The following CDH4 variants were observed in gnomAD, a reference collection of about 807,000 sequenced individuals.
CDH4 encodes cadherin 4, also known as cadherin-4.
CDH4 carries 33 observed loss-of-function variants against 86.0 expected under a neutral mutation model. That is an observed-to-expected ratio of 0.38 (90% confidence interval 0.29 to 0.51). The LOEUF (loss-of-function observed/expected upper bound fraction) is 0.51. Among genes scored for constraint, CDH4 ranks in the 20% least tolerant of loss-of-function variants. The pLI, the probability that CDH4 is intolerant of heterozygous loss-of-function variation, is 0.86. For synonymous variants in CDH4, 555 were observed against 549.4 expected, an observed-to-expected ratio of 1.01 and a Z score of -0.14; for missense variants, 1,114 against 1,307.4, an observed-to-expected ratio of 0.85 and a Z score of 2.28.
chr20:61,524,965 A>C (rs1266352677), intron 2 of CDH4, among the ~76,000 whole-genome samples: 6 of 152,174 alleles, frequency 3.9e-5, no homozygotes, highest in Non-Finnish European at 8.8e-5. Flanking sequence ...ATTTAAAAAA[A>C]CCTTCTTTCC....
intron 2 of CDH4, among the ~76,000 whole-genome samples, chr20:61,326,989 T>C (rs1444711885): frequency 6.6e-6 from 1 of 152,156 alleles, no homozygotes; most frequent in African/African-American, 2.4e-5. Context: ...TTTTACTGGC[T>C]AGAAGTTTCA....
At chr20:61,465,363 AT>A (rs112215809) in intron 2 of CDH4, among the ~76,000 whole-genome samples, 143 of 147,344 alleles carry the variant, frequency 9.7e-4, no homozygotes, top group Middle Eastern at 7.1e-3. Context: ...TGAACCTGGG[AT>A]TTTTTTTTTT....
intron 2 of CDH4, among the ~76,000 whole-genome samples, chr20:61,538,827 G>A (rs1181446533): frequency 2.0e-5 from 3 of 152,210 alleles, no homozygotes; most frequent in African/African-American, 4.8e-5. Flanking sequence ...GCTCCCTGCT[G>A]CAGGCCAGGC....
At chr20:61,826,738 G>A (rs548443737) in intron 4 of CDH4, among the ~76,000 whole-genome samples, 2 of 152,270 alleles carry the variant, frequency 1.3e-5, no homozygotes, top group African/African-American at 2.4e-5. Flanking sequence ...TTCGAGACCC[G>A]TTGATGGCCT....
intron 2 of CDH4, among the ~76,000 whole-genome samples, chr20:61,331,638 C>CCTCCTGCCCCGGCCACCTGCCCTAGAG (rs1568801140): frequency 6.5e-4 from 15 of 23,190 alleles, no homozygotes; most frequent in South Asian, 1.3e-3. Context: ...CTGCCCCAGA[C>CCTCCTGCCCCGGCCACCTGCCCTAGAG]CCACCTCCCG....
chr20:61,523,628 G>A (rs992879682), intron 2 of CDH4, among the ~76,000 whole-genome samples: 5 of 152,192 alleles, frequency 3.3e-5, no homozygotes, highest in Non-Finnish European at 5.9e-5. Flanking sequence ...AAACAGGCCC[G>A]GGGCTTTCTC....
chr20:61,765,156 G>A (rs973367693), intron 3 of CDH4, among the ~76,000 whole-genome samples: 1 of 152,220 alleles, frequency 6.6e-6, no homozygotes, highest in East Asian at 1.9e-4. Context: ...GGGCAGGTAG[G>A]CTCTGACCTT....
intron 8 of CDH4, among the ~76,000 whole-genome samples, chr20:61,896,204 A>G (rs1568873200): frequency 6.6e-6 from 1 of 152,190 alleles, no homozygotes; most frequent in Non-Finnish European, 1.5e-5. Flanking sequence ...CTCTGATCCC[A>G]GCCAACCCCG....
chr20:61,542,519 C>T (rs1297007259), intron 2 of CDH4, among the ~76,000 whole-genome samples: 1 of 152,164 alleles, frequency 6.6e-6, no homozygotes, highest in Non-Finnish European at 1.5e-5. Flanking sequence ...AGTTATGAGG[C>T]TTTGAAATCC....
At chr20:61,603,985 G>GCA (rs1298334032) in intron 2 of CDH4, among the ~76,000 whole-genome samples, 1 of 152,006 alleles carries the variant, frequency 6.6e-6, no homozygotes, top group Non-Finnish European at 1.5e-5. Context: ...ATACGCTGAT[G>GCA]CACACACACA....
At chr20:61,675,943 G>A (rs2087440345) in intron 2 of CDH4, among the ~76,000 whole-genome samples, 1 of 152,196 alleles carries the variant, frequency 6.6e-6, no homozygotes, top group East Asian at 1.9e-4. Context: ...GCTCTACCTG[G>A]AGGCCCACTG....
chr20:61,257,639 G>C (rs757242677), intron 2 of CDH4, among the ~76,000 whole-genome samples: 1 of 152,244 alleles, frequency 6.6e-6, no homozygotes, highest in African/African-American at 2.4e-5. Context: ...ATGCATGGCC[G>C]TATCTAAAAT....
intron 6 of CDH4, among the ~76,000 whole-genome samples, chr20:61,863,901 A>T (rs1323827745): frequency 6.6e-6 from 1 of 152,186 alleles, no homozygotes; most frequent in Non-Finnish European, 1.5e-5. Flanking sequence ...CCTTACCAGC[A>T]TGGGTTTCCA....
At chr20:61,934,473 C>A (rs888975967) in intron 15 of CDH4, among the ~76,000 whole-genome samples, 1 of 152,092 alleles carries the variant, frequency 6.6e-6, no homozygotes, top group Non-Finnish European at 1.5e-5. Flanking sequence ...CACACAGGGC[C>A]GGGTGCACAG....
chr20:61,928,369 C>T lies in CDH4; in HGVS notation c.1951C>T (p.Leu651=). Residue 651 remains leucine (L), a synonymous_variant, in exon 12 of 16, where the codon CTG becomes TTG. Transcript: ENST00000614565. ...CAACATCGGCCCCTACGTCTTCGAG[C>T]TGCCCTTTGTCCCGGCGGCCGTGCG... ...DPNIGPYVFE[L]PFVPAAVRKN... is the part of the protein sequence containing the mutation. 1 of 1,611,990 alleles carries T rather than the reference C, an allele frequency of 6.2e-7. No individual in the cohort carries two copies.
chr20:61,791,594 G>A (rs1225641103), intron 4 of CDH4, among the ~76,000 whole-genome samples: 1 of 152,204 alleles, frequency 6.6e-6, no homozygotes, highest in Non-Finnish European at 1.5e-5. Context: ...AGGCGGTAAA[G>A]GCAAGAACAG....
chr20:61,558,887 G>A (rs2086195962), intron 2 of CDH4, among the ~76,000 whole-genome samples: 1 of 152,232 alleles, frequency 6.6e-6, no homozygotes, highest in Non-Finnish European at 1.5e-5. Context: ...TGGGGCCGCT[G>A]GATGGCTTTG....
intron 2 of CDH4, among the ~76,000 whole-genome samples, chr20:61,375,573 G>A (rs930414130): frequency 1.8e-4 from 15 of 82,346 alleles, no homozygotes; most frequent in Non-Finnish European, 3.1e-4. Context: ...TGGTGGCGCT[G>A]GTGGTGGTCA....
intron 2 of CDH4, among the ~76,000 whole-genome samples, chr20:61,693,584 G>A (rs531894714): frequency 4.3e-4 from 66 of 152,286 alleles, no homozygotes; most frequent in Middle Eastern, 3.4e-3. Flanking sequence ...CCCTGCGTCC[G>A]CTCCACTGCA....
Sources: gnomAD v4.1 joint callset for allele counts (sites outside exome capture counted in the v4.1 genomes callset) on GRCh38, gnomAD v4.1.1 for gene constraint, MANE v1.5 for transcripts, NCBI Gene and HGNC (gene_info 2026-07-23, HGNC 2026-07-21) for gene names.